Variants in CDH10 observed in about 807,000 individuals in gnomAD.
CDH10 encodes cadherin-10.
Under a neutral mutation model 73.1 loss-of-function variants are expected in CDH10, and 30 were observed. The ratio of observed to expected loss-of-function variants is 0.41; its 90% confidence interval spans 0.31 to 0.56. The LOEUF (loss-of-function observed/expected upper bound fraction) is 0.56, where lower values mean the gene tolerates loss of function less well. Ranked by LOEUF, CDH10 falls within the 20% of genes least tolerant of loss-of-function variation. CDH10 has a pLI of 0.27. For missense variants in CDH10, 815 were observed against 973.7 expected (o/e 0.84, Z 2.17); for synonymous variants, 345 against 348.2 (o/e 0.99, Z 0.10).
At chr5:24,567,604 C>T (rs73743645) in intron 2 of CDH10, among the ~76,000 whole-genome samples, 2,672 of 151,736 alleles carry the variant, frequency 0.018, 62 homozygotes, top group African/African-American at 0.06. Context: ...ATATTAATTC[C>T]TGTTGAATGA....
chr5:24,535,594 A>C (rs1005993546), intron 4 of CDH10, 109 bp downstream of exon 4: 2 of 957,962 alleles, frequency 2.1e-6, no homozygotes, highest in South Asian at 1.7e-5. Context: ...GTCTTCACTC[A>C]TCTGTGAGTA....
intron 2 of CDH10, among the ~76,000 whole-genome samples, chr5:24,583,985 C>A (rs934745585): frequency 6.6e-6 from 1 of 152,124 alleles, no homozygotes; most frequent in Non-Finnish European, 1.5e-5. Context: ...AATGTTGATT[C>A]TAATCCTGGA....
chr5:24,535,427 G>T, intron 4 of CDH10, 148 bp from the exon 5 acceptor site: 1 of 807,138 alleles, frequency 1.2e-6, no homozygotes, highest in Admixed American at 3.0e-5. Context: ...TTATAAAAGT[G>T]ATTCTGCGGA....
At chr5:24,592,929 T>C (rs1373795687) in intron 2 of CDH10, among the ~76,000 whole-genome samples, 2 of 151,730 alleles carry the variant, frequency 1.3e-5, no homozygotes, top group South Asian at 4.1e-4. Context: ...TATACACATA[T>C]GTATTTTCAT....
chr5:24,578,532 C>A, intron 2 of CDH10: 1 of 308,710 alleles, frequency 3.2e-6, no homozygotes. Flanking sequence ...TCCATTAGAA[C>A]TGCTGGAAAC....
At chr5:24,493,065 T>A (rs1347181699) in intron 9 of CDH10, 140 bp from the exon 10 acceptor site, 1 of 528,802 alleles carries the variant, frequency 1.9e-6, no homozygotes, top group Admixed American at 3.4e-5. Flanking sequence ...AGTTAATCCA[T>A]CTTTTTAGTA....
chr5:24,533,152 C>T (rs1441185984), intron 5 of CDH10, among the ~76,000 whole-genome samples: 1 of 151,848 alleles, frequency 6.6e-6, no homozygotes, highest in Non-Finnish European at 1.5e-5. Context: ...CACGGCGAAA[C>T]CTTGTCTCTA....
chr5:24,569,140 T>C (rs569723604), intron 2 of CDH10, among the ~76,000 whole-genome samples: 1 of 151,512 alleles, frequency 6.6e-6, no homozygotes, highest in Non-Finnish European at 1.5e-5. Flanking sequence ...TCCTGAGACA[T>C]GCTACAAAGT....
intron 2 of CDH10, among the ~76,000 whole-genome samples, chr5:24,579,477 C>T (rs1745716242): frequency 6.6e-6 from 1 of 152,096 alleles, no homozygotes; most frequent in Admixed American, 6.6e-5. Context: ...CTAAAGTTTG[C>T]TCACATGTGC....
chr5:24,614,535 T>A (rs895796593), intron 1 of CDH10, among the ~76,000 whole-genome samples: 16 of 152,194 alleles, frequency 1.1e-4, no homozygotes, highest in African/African-American at 3.1e-4. Flanking sequence ...TAGCATGACA[T>A]TGCAGAAGCC....
chr5:24,620,110 C>CT (rs1006221798), intron 1 of CDH10, among the ~76,000 whole-genome samples: 1 of 152,148 alleles, frequency 6.6e-6, no homozygotes, highest in Non-Finnish European at 1.5e-5. Context: ...TAAATTATCT[C>CT]TTTTTTAGTT....
At chr5:24,575,136 C>A (rs1464268525) in intron 2 of CDH10, among the ~76,000 whole-genome samples, 1 of 151,810 alleles carries the variant, frequency 6.6e-6, no homozygotes, top group Admixed American at 6.6e-5. Context: ...CTGAGGCAGG[C>A]AGATCACCTG....
At chr5:24,606,895 C>T (rs939107397) in intron 1 of CDH10, among the ~76,000 whole-genome samples, 5 of 152,066 alleles carry the variant, frequency 3.3e-5, no homozygotes, top group East Asian at 1.9e-4. Flanking sequence ...GAGACATTGG[C>T]GTTTCAAATA....
chr5:24,533,531 T>C (rs1743825005), intron 5 of CDH10, among the ~76,000 whole-genome samples: 1 of 152,090 alleles, frequency 6.6e-6, no homozygotes, highest in South Asian at 2.1e-4. Flanking sequence ...AATATAATAC[T>C]ACTCCCAAAG....
intron 5 of CDH10, among the ~76,000 whole-genome samples, chr5:24,518,997 T>C (rs1401477740): frequency 6.6e-6 from 1 of 151,152 alleles, no homozygotes; most frequent in Non-Finnish European, 1.5e-5. Flanking sequence ...TTCAAGTGAT[T>C]CTCATGTGTC....
chr5:24,527,241 A>G (rs1743564720), intron 5 of CDH10, among the ~76,000 whole-genome samples: 1 of 148,330 alleles, frequency 6.7e-6, no homozygotes, highest in African/African-American at 2.4e-5. Flanking sequence ...ATATATACTT[A>G]CATAATTAAA....
chr5:24,617,095 T>C (rs1747155568), intron 1 of CDH10, among the ~76,000 whole-genome samples: 7 of 152,074 alleles, frequency 4.6e-5, no homozygotes. Context: ...AATGAGTATA[T>C]ATCAGAGTTT....
intron 1 of CDH10, among the ~76,000 whole-genome samples, chr5:24,597,354 T>G (rs969074429): frequency 6.6e-6 from 1 of 152,262 alleles, no homozygotes; most frequent in Non-Finnish European, 1.5e-5. Context: ...CTGGCAAAGC[T>G]GTAGACCTCC....
At chr5:24,537,173 T>TA (rs1408620781) in intron 3 of CDH10, among the ~76,000 whole-genome samples, 5 of 151,942 alleles carry the variant, frequency 3.3e-5, no homozygotes, top group Non-Finnish European at 7.4e-5. Context: ...TACCTATATG[T>TA]ATTATAAAGA....
Sources: allele counts gnomAD v4.1 joint callset (sites outside exome capture counted in the v4.1 genomes callset), GRCh38; gene constraint gnomAD v4.1.1; transcripts MANE v1.5; gene names NCBI Gene and HGNC (gene_info 2026-07-23, HGNC 2026-07-21).